ZNF346: variants seen among roughly 807,000 people sequenced by gnomAD.
ZNF346 encodes double-stranded RNA-binding zinc finger protein JAZ.
Under a neutral mutation model 33.7 loss-of-function variants are expected in ZNF346, and 23 were observed. That is an observed-to-expected ratio of 0.68 (90% CI 0.49 to 0.97). ZNF346 has a LOEUF of 0.97. Ranked by LOEUF, ZNF346 falls within the 50% of genes least tolerant of loss-of-function variation. The pLI, the probability that ZNF346 is intolerant of heterozygous loss-of-function variation, is 0.00. For synonymous variants in ZNF346, 134 were observed against 142.4 expected (o/e 0.94, Z 0.42); for missense variants, 340 against 371.1 (o/e 0.92, Z 0.69).
intron 4 of ZNF346, among the ~76,000 whole-genome samples, chr5:177,047,407 A>G (rs1330810599): frequency 6.7e-6 from 1 of 149,780 alleles, no homozygotes; most frequent in Non-Finnish European, 1.5e-5. Context: ...GCGCAATCTC[A>G]GCTCACTGCA....
At chr5:177,058,111 A>G (rs1781991496) in intron 5 of ZNF346, among the ~76,000 whole-genome samples, 1 of 151,276 alleles carries the variant, frequency 6.6e-6, no homozygotes, top group Non-Finnish European at 1.5e-5. Flanking sequence ...ATGAGCCACC[A>G]TGCCCAGCCT....
intron 1 of ZNF346, among the ~76,000 whole-genome samples, chr5:177,039,907 G>C (rs1163899778): frequency 2.0e-5 from 3 of 151,760 alleles, no homozygotes; most frequent in Admixed American, 6.6e-5. Flanking sequence ...TTGGCCGGGC[G>C]CGGTGGCTCA....
At chr5:177,035,268 T>G (rs988431097) in intron 1 of ZNF346, among the ~76,000 whole-genome samples, 18 of 152,154 alleles carry the variant, frequency 1.2e-4, no homozygotes, top group African/African-American at 4.3e-4. Context: ...CTACCTGCCT[T>G]GGCCTTCCCA....
At chr5:177,031,512 C>A (rs537735555) in intron 1 of ZNF346, among the ~76,000 whole-genome samples, 1 of 152,240 alleles carries the variant, frequency 6.6e-6, no homozygotes, top group Admixed American at 6.5e-5. Flanking sequence ...TTTTCTCTCT[C>A]TCTCACCGCT....
chr5:177,029,560 T>A (rs987004895), intron 1 of ZNF346, among the ~76,000 whole-genome samples: 13 of 152,298 alleles, frequency 8.5e-5, no homozygotes, highest in African/African-American at 3.1e-4. Flanking sequence ...TAAGGCAAAG[T>A]GAGAGACCAA....
chr5:177,030,006 G>A (rs1777432623), intron 1 of ZNF346, among the ~76,000 whole-genome samples: 1 of 152,184 alleles, frequency 6.6e-6, no homozygotes, highest in African/African-American at 2.4e-5. Flanking sequence ...CTGCAGAATT[G>A]AGTGCTTGGT....
chr5:177,074,443 T>A (rs1783648598), intron 8 of ZNF346, among the ~76,000 whole-genome samples: 2 of 152,178 alleles, frequency 1.3e-5, no homozygotes, highest in African/African-American at 4.8e-5. Flanking sequence ...GAAGAGAGAA[T>A]GAGTTTTGAC....
chr5:177,075,015 G>A (rs1238920280), intron 8 of ZNF346, among the ~76,000 whole-genome samples: 2 of 151,640 alleles, frequency 1.3e-5, no homozygotes, highest in Non-Finnish European at 2.9e-5. Flanking sequence ...GCAGTGAGCC[G>A]AGATCGCGCC....
At chr5:177,053,317 CAAAAAAAA>C (rs754883910) in intron 5 of ZNF346, among the ~76,000 whole-genome samples, 1 of 87,370 alleles carries the variant, frequency 1.1e-5, no homozygotes, top group African/African-American at 4.3e-5. Context: ...GACTTCATCT[CAAAAAAAA>C]AAAAAAAAAA....
chr5:177,059,895 A>G (rs572163513), intron 5 of ZNF346, among the ~76,000 whole-genome samples: 1 of 152,336 alleles, frequency 6.6e-6, no homozygotes, highest in East Asian at 1.9e-4. Flanking sequence ...AACAGTTACA[A>G]CTGTGACAAA....
intron 5 of ZNF346, among the ~76,000 whole-genome samples, chr5:177,054,095 G>A (rs921982320): frequency 2.1e-5 from 3 of 146,018 alleles, no homozygotes; most frequent in Non-Finnish European, 3.0e-5. Context: ...TTTTTTTTGA[G>A]ATAGGGTCTT....
In ZNF346 at chr5:177,057,797, CTTATTTATTTATTTAT is replaced by C. The variant is rs200388195; in HGVS notation, c.704-4235_704-4220del. ...CCTTCACTCTGAGGTCATAGATTTT[CTTATTTATTTATTTAT>C]TTATTTATTTATTTATTTATTTATT... On this transcript the variant is annotated intron_variant, in intron 5 of 6. Transcript: ENST00000358149. Among the ~76,000 whole-genome samples the C allele has an allele frequency of 3.6e-3, 480 of 133,318 alleles. 4 individuals are homozygous for C. The highest frequency in any genetic ancestry group is 0.013 in the African/African-American group (456 of 36,018). 87.5% of individuals were successfully genotyped at this position (133,318 alleles called of 152,430 possible). A position where few individuals can be genotyped will look rare whatever the true frequency, so the allele number is the denominator to read the frequency against.
chr5:177,042,058 T>G, intron 3 of ZNF346, 188 bp downstream of exon 3: 1 of 486,384 alleles, frequency 2.1e-6, no homozygotes. Context: ...TCAACTACCT[T>G]TCAGGATTTT....
At chr5:177,044,336 A>T in intron 3 of ZNF346, 53 bp from the exon 4 acceptor site, 1 of 1,608,384 alleles carries the variant, frequency 6.2e-7, no homozygotes, top group South Asian at 1.1e-5. Context: ...ACCATTGAAG[A>T]TTTTCTGGTG....
At chr5:177,054,319 C>T (rs1260458858) in intron 5 of ZNF346, among the ~76,000 whole-genome samples, 2 of 152,052 alleles carry the variant, frequency 1.3e-5, no homozygotes, top group Non-Finnish European at 2.9e-5. Flanking sequence ...GATCCACCCA[C>T]CTTGGCCTCC....
chr5:177,040,776 C>T (rs1302031828), intron 1 of ZNF346, among the ~76,000 whole-genome samples: 1 of 152,208 alleles, frequency 6.6e-6, no homozygotes, highest in Admixed American at 6.5e-5. Context: ...ATCTTAAAAC[C>T]TCTCAGCACA....
intron 8 of ZNF346, among the ~76,000 whole-genome samples, chr5:177,075,868 A>G (rs244716): frequency 0.57 from 86,783 of 151,920 alleles, 25,021 homozygotes; most frequent in Admixed American, 0.66. Context: ...TGTACTTTTA[A>G]TAGATACAGG....
chr5:177,072,231 G>T (rs1783543054), downstream of ZNF346, among the ~76,000 whole-genome samples: 1 of 152,228 alleles, frequency 6.6e-6, no homozygotes, highest in Non-Finnish European at 1.5e-5. Flanking sequence ...CTTGGAGAGA[G>T]ATTTGATCTT....
chr5:177,048,787 C>CT (rs58509601), intron 4 of ZNF346, among the ~76,000 whole-genome samples: 13,726 of 132,110 alleles, frequency 0.1, 2,036 homozygotes, highest in African/African-American at 0.33. Context: ...CTTTTTTTTT[C>CT]TTTTTTTTTT....
Sources: allele counts gnomAD v4.1 joint callset (sites outside exome capture counted in the v4.1 genomes callset), GRCh38; gene constraint gnomAD v4.1.1; transcripts MANE v1.5; gene names NCBI Gene and HGNC (gene_info 2026-07-23, HGNC 2026-07-21).